MLIP: variants seen among roughly 807,000 people sequenced by gnomAD.
MLIP encodes muscular LMNA-interacting protein.
MLIP carries 79 observed loss-of-function variants against 84.8 expected under a neutral mutation model. That is an observed-to-expected ratio of 0.93 (90% CI 0.78 to 1.12). The LOEUF (loss-of-function observed/expected upper bound fraction) is 1.12. Among genes scored for constraint, MLIP ranks in the 50% most tolerant of loss-of-function variants. The pLI is 0.00. For missense variants in MLIP, 1,257 were observed against 1,160.6 expected (o/e 1.08, Z -1.21); for synonymous variants, 504 against 463.0 (o/e 1.09, Z -1.14).
chr6:54,025,268 C>T (rs927979892), intron 1 of MLIP, among the ~76,000 whole-genome samples: 3 of 152,196 alleles, frequency 2.0e-5, no homozygotes, highest in Non-Finnish European at 2.9e-5. Flanking sequence ...TGCCCCAAAA[C>T]AAGTCATCTA....
intron 1 of MLIP, among the ~76,000 whole-genome samples, chr6:54,085,929 A>T (rs889725235): frequency 6.6e-6 from 1 of 151,976 alleles, no homozygotes. Flanking sequence ...TGCTGCTCTC[A>T]CTTCTTCTGA....
intron 4 of MLIP, among the ~76,000 whole-genome samples, chr6:54,140,342 A>G (rs1171535322): frequency 6.6e-6 from 1 of 152,150 alleles, no homozygotes; most frequent in Non-Finnish European, 1.5e-5. Flanking sequence ...TTTATTGAAG[A>G]CCTATTGTTT....
intron 12 of MLIP, among the ~76,000 whole-genome samples, chr6:54,252,279 CTATAA>C (rs1409005364): frequency 1.9e-5 from 2 of 105,978 alleles, no homozygotes; most frequent in Non-Finnish European, 3.4e-5. Context: ...TATAATATAA[CTATAA>C]TATATTATAC....
At chr6:54,148,426 A>C (rs1329490991) in intron 4 of MLIP, among the ~76,000 whole-genome samples, 1 of 152,190 alleles carries the variant, frequency 6.6e-6, no homozygotes, top group Non-Finnish European at 1.5e-5. Flanking sequence ...CATAACTGTT[A>C]GAAGGTGCAG....
chr6:54,251,617 T>G (rs1484552794), intron 12 of MLIP, among the ~76,000 whole-genome samples: 2 of 103,866 alleles, frequency 1.9e-5, no homozygotes, highest in Non-Finnish European at 3.5e-5. Context: ...TAACATATAA[T>G]ATATAATACA....
chr6:54,106,206 C>T (rs1056583845), intron 1 of MLIP, among the ~76,000 whole-genome samples: 3 of 152,108 alleles, frequency 2.0e-5, no homozygotes, highest in African/African-American at 7.2e-5. Flanking sequence ...AGAGTTGTTT[C>T]AAGCTGGAGT....
At chr6:54,019,067 C>A (rs746137761) in exon 1 of MLIP, 4 of 1,610,972 alleles carry the variant, frequency 2.5e-6, no homozygotes, top group Non-Finnish European at 3.4e-6. Flanking sequence ...GCTTATTAAA[C>A]AAGAATTTAG....
chr6:54,166,530 C>T (rs1775212674), intron 8 of MLIP, among the ~76,000 whole-genome samples: 1 of 151,768 alleles, frequency 6.6e-6, no homozygotes, highest in South Asian at 2.1e-4. Context: ...GATATATTTT[C>T]CTCTAGAGTA....
At chr6:54,031,294 A>G (rs968191155) in intron 1 of MLIP, 1 of 152,120 alleles carries the variant, frequency 6.6e-6, no homozygotes, top group African/African-American at 2.4e-5. Context: ...TCAGAGAGGA[A>G]TGCAAGGCCA....
chr6:54,211,443 C>T (rs1220176655), intron 11 of MLIP, among the ~76,000 whole-genome samples: 2 of 152,132 alleles, frequency 1.3e-5, no homozygotes, highest in Non-Finnish European at 2.9e-5. Flanking sequence ...TTTAACCTTC[C>T]CATGTCAAAA....
chr6:54,228,598 A>AC (rs1780768012), intron 11 of MLIP, among the ~76,000 whole-genome samples: 1 of 74,580 alleles, frequency 1.3e-5, no homozygotes. Context: ...GGCACAAAAC[A>AC]CAGAGTAGCA....
intron 11 of MLIP, chr6:54,217,841 A>G (rs963393931): frequency 8.1e-6 from 8 of 985,146 alleles, no homozygotes; most frequent in Non-Finnish European, 9.6e-6. Context: ...AAAGATTCAT[A>G]TATTGCATGC....
intron 1 of MLIP, among the ~76,000 whole-genome samples, chr6:54,065,645 A>T (rs1433569400): frequency 1.1e-5 from 1 of 94,784 alleles, no homozygotes; most frequent in African/African-American, 2.9e-5. Context: ...TCAATCTTAG[A>T]CAGCATCTGA....
At chr6:54,252,576 T>G (rs975083444) in intron 12 of MLIP, among the ~76,000 whole-genome samples, 1 of 148,236 alleles carries the variant, frequency 6.7e-6, no homozygotes, top group Non-Finnish European at 1.5e-5. Flanking sequence ...TCATGATATG[T>G]ATATAATCAT....
intron 3 of MLIP, among the ~76,000 whole-genome samples, chr6:54,127,195 T>C (rs1770992508): frequency 6.7e-6 from 1 of 149,166 alleles, no homozygotes; most frequent in Admixed American, 6.7e-5. Context: ...ATGTTTGTGA[T>C]TTTCTTTATT....
At chr6:54,128,153 C>T (rs1771082530) in intron 3 of MLIP, among the ~76,000 whole-genome samples, 1 of 152,112 alleles carries the variant, frequency 6.6e-6, no homozygotes, top group South Asian at 2.1e-4. Context: ...GAATGAATAA[C>T]AGGTCTTGGG....
rs532041436 is a variant in MLIP at position 54,205,777 on chromosome 6, A to T, written c.2718+3544A>T. On this transcript the variant is annotated intron_variant, in intron 11 of 13. Coordinates refer to ENST00000502396, the MANE Select transcript of MLIP (RefSeq NM_001281747.2). ...ATCATTGTATATTAGATTTTTTTTT[A>T]AAAAAACGAAACCTTCAAAATGAAG... Among the ~76,000 whole-genome samples the T allele has an allele frequency of 7.2e-4, 109 of 152,184 alleles. No homozygotes were observed. The Middle Eastern group carries it at 0.014, about 19-fold the overall frequency.
chr6:54,239,190 C>G (rs888358032), intron 12 of MLIP, among the ~76,000 whole-genome samples: 2 of 151,838 alleles, frequency 1.3e-5, no homozygotes, highest in African/African-American at 4.8e-5. Flanking sequence ...CCTCTCCATT[C>G]GTCTTGCCCA....
chr6:54,235,252 T>C (rs1270449797), intron 12 of MLIP, among the ~76,000 whole-genome samples: 1 of 152,236 alleles, frequency 6.6e-6, no homozygotes, highest in Non-Finnish European at 1.5e-5. Flanking sequence ...CTGATTTTCT[T>C]ATTTTCCTCT....
Sources: gnomAD v4.1 joint callset for allele counts (sites outside exome capture counted in the v4.1 genomes callset) on GRCh38, gnomAD v4.1.1 for gene constraint, MANE v1.5 for transcripts, NCBI Gene and HGNC (gene_info 2026-07-23, HGNC 2026-07-21) for gene names.